The following KDM4C variants were observed in gnomAD, a reference collection of about 807,000 sequenced individuals.
KDM4C encodes lysine demethylase 4C, also known as lysine-specific demethylase 4C.
A neutral mutation model predicts 129.3 loss-of-function variants in KDM4C; 81 were observed. The observed-to-expected ratio is 0.63, with a 90% CI of 0.52 to 0.75. The LOEUF is 0.75. Ranked by LOEUF, KDM4C falls within the 30% of genes least tolerant of loss-of-function variation. The pLI is 0.00. For synonymous variants in KDM4C, 573 were observed against 456.1 expected (o/e 1.26, Z -3.26); for missense variants, 1,457 against 1,304.0 (o/e 1.12, Z -1.81).
At chr9:7,019,139 T>A (rs564907364) in intron 15 of KDM4C, among the ~76,000 whole-genome samples, 9 of 152,330 alleles carry the variant, frequency 5.9e-5, no homozygotes, top group African/African-American at 2.2e-4. Flanking sequence ...ACTGACAGTA[T>A]TGATATTCTG....
intron 1 of KDM4C, among the ~76,000 whole-genome samples, chr9:6,732,811 G>A (rs1817396380): frequency 6.6e-6 from 1 of 152,156 alleles, no homozygotes; most frequent in African/African-American, 2.4e-5. Flanking sequence ...TCAGGAGTTC[G>A]AGACCAGCCT....
intron 1 of KDM4C, among the ~76,000 whole-genome samples, chr9:6,792,757 C>G (rs750315613): frequency 1.2e-4 from 18 of 152,144 alleles, no homozygotes; most frequent in Non-Finnish European, 1.3e-4. Flanking sequence ...GGTTCTCTAC[C>G]TGGCATAGGG....
chr9:6,904,203 C>T (rs1563788951), intron 8 of KDM4C, among the ~76,000 whole-genome samples: 1 of 151,850 alleles, frequency 6.6e-6, no homozygotes, highest in Non-Finnish European at 1.5e-5. Context: ...TGTGCCACTG[C>T]ACTCCAGCCT....
chr9:6,856,497 C>T (rs1216129866), intron 5 of KDM4C, among the ~76,000 whole-genome samples: 1 of 150,612 alleles, frequency 6.6e-6, no homozygotes, highest in African/African-American at 2.4e-5. Context: ...AAATTAACCG[C>T]ATAGGTTATT....
chr9:6,738,518 C>T (rs1054450370), intron 1 of KDM4C, among the ~76,000 whole-genome samples: 11 of 152,134 alleles, frequency 7.2e-5, no homozygotes, highest in Admixed American at 3.9e-4. Flanking sequence ...ACTGGAGTCT[C>T]GACCTCCCAA....
chr9:6,847,647 C>G (rs1469603496), intron 4 of KDM4C, among the ~76,000 whole-genome samples: 1 of 152,200 alleles, frequency 6.6e-6, no homozygotes, highest in Non-Finnish European at 1.5e-5. Context: ...GCCTCGGCCT[C>G]CCAAAGTGCT....
intron 1 of KDM4C, among the ~76,000 whole-genome samples, chr9:6,722,017 T>G (rs1410266190): frequency 6.6e-6 from 1 of 152,216 alleles, no homozygotes; most frequent in Non-Finnish European, 1.5e-5. Context: ...CCTCCATGCC[T>G]GGCCTAAAAG....
intron 1 of KDM4C, among the ~76,000 whole-genome samples, chr9:6,792,683 G>T (rs571037882): frequency 6.6e-6 from 1 of 152,202 alleles, no homozygotes; most frequent in Non-Finnish European, 1.5e-5. Flanking sequence ...CACCGCACCC[G>T]GCCTAGAAAA....
chr9:6,741,246 A>C lies in KDM4C; in HGVS notation c.49+20249A>C, dbSNP rs543833345. Among the ~76,000 whole-genome samples the C allele has an allele frequency of 1.3e-3, 190 of 151,890 alleles. 2 individuals carry two copies. The highest frequency in any genetic ancestry group is 2.1e-4 in the Non-Finnish European group (14 of 67,962). ...ACCCATCTCTACTAAAAATACAAAA[A>C]TTAGCCAAGGTGGTGGTGCGTGCGT... On this transcript the variant is annotated intron_variant, in intron 1 of 17. Coordinates refer to the KDM4C transcript ENST00000536108.
At chr9:7,110,569 C>T (rs1342165840) in intron 18 of KDM4C, among the ~76,000 whole-genome samples, 1 of 152,090 alleles carries the variant, frequency 6.6e-6, no homozygotes, top group Non-Finnish European at 1.5e-5. Context: ...TGGGTTGGGC[C>T]TACCACCTCC....
rs151174243 is a variant in KDM4C, at chr9:6,899,033, T to C, written c.921+5801T>C. ...CATGACATATATAATATGAACTTAG[T>C]GAGTATGGGGATTTTATGTTCTGCA... On this transcript the variant is annotated intron_variant, in intron 8 of 21. Coordinates refer to ENST00000381309, the MANE Select transcript of KDM4C (RefSeq NM_015061.6). Among the ~76,000 whole-genome samples, 11 of 152,182 alleles carry C rather than the reference T, an allele frequency of 7.2e-5. No homozygotes were observed. The South Asian group carries it at 1.2e-3, about 17-fold the overall frequency.
chr9:6,737,893 T>C (rs185265486), intron 1 of KDM4C, among the ~76,000 whole-genome samples: 5 of 152,016 alleles, frequency 3.3e-5, no homozygotes, highest in Non-Finnish European at 5.9e-5. Context: ...TCCCAGCACT[T>C]TGGGAGGCCG....
At chr9:7,171,398 C>T (rs970208162) in intron 21 of KDM4C, among the ~76,000 whole-genome samples, 2 of 152,176 alleles carry the variant, frequency 1.3e-5, no homozygotes, top group Non-Finnish European at 2.9e-5. Flanking sequence ...GAAAAACTTT[C>T]CTTTTCGAGA....
intron 17 of KDM4C, among the ~76,000 whole-genome samples, chr9:7,077,512 C>G (rs1475806692): frequency 6.6e-6 from 1 of 152,168 alleles, no homozygotes; most frequent in East Asian, 1.9e-4. Flanking sequence ...ATATTGATAT[C>G]TTTATTCCCA....
At chr9:7,143,985 G>C (rs954528570) in intron 19 of KDM4C, among the ~76,000 whole-genome samples, 4 of 152,168 alleles carry the variant, frequency 2.6e-5, no homozygotes, top group African/African-American at 7.2e-5. Flanking sequence ...TATGTGAAAA[G>C]TATTTCTAGA....
At chr9:7,085,426 G>C (rs149224684) in intron 17 of KDM4C, among the ~76,000 whole-genome samples, 30 of 152,292 alleles carry the variant, frequency 2.0e-4, no homozygotes, top group African/African-American at 7.0e-4. Flanking sequence ...TGTTTAGAGA[G>C]AACTATGAGG....
chr9:6,823,979 A>C (rs1292584773), intron 4 of KDM4C, among the ~76,000 whole-genome samples: 1 of 152,198 alleles, frequency 6.6e-6, no homozygotes, highest in Non-Finnish European at 1.5e-5. Flanking sequence ...CAATACACTT[A>C]ATGTGGGCGC....
chr9:7,014,012 C>A lies in KDM4C; in HGVS notation c.2182+11C>A. Reference sequence around the variant, plus strand: ...TACGGGTTCATGCAAGTAAATGGATCTATAATTCATCAATCACTGGCTTTT... The same window carrying A: ...TACGGGTTCATGCAAGTAAATGGATATATAATTCATCAATCACTGGCTTTT... On this transcript the variant is annotated intron_variant, in intron 14 of 21. Coordinates refer to ENST00000381309, the MANE Select transcript of KDM4C (RefSeq NM_015061.6). 1 of 1,597,196 alleles carries A rather than the reference C, an allele frequency of 6.3e-7. No individual in the cohort carries two copies. The highest frequency in any genetic ancestry group is 8.6e-7 in the Non-Finnish European group (1 of 1,169,092).
chr9:7,084,999 A>G (rs1015183742), intron 17 of KDM4C, among the ~76,000 whole-genome samples: 1 of 152,246 alleles, frequency 6.6e-6, no homozygotes, highest in Non-Finnish European at 1.5e-5. Context: ...CTCTGAAGGA[A>G]TGACATTTAA....
Sources: allele counts gnomAD v4.1 joint callset (sites outside exome capture counted in the v4.1 genomes callset), GRCh38; gene constraint gnomAD v4.1.1; transcripts MANE v1.5; gene names NCBI Gene and HGNC (gene_info 2026-07-23, HGNC 2026-07-21).